Variants in PHACTR4 observed in about 807,000 individuals in gnomAD.
PHACTR4 encodes the protein phosphatase and actin regulator 4, also known as protein phosphatase 1, regulatory subunit 124.
In PHACTR4, 51 loss-of-function variants were observed where a neutral mutation model predicts 72.7. The observed-to-expected ratio is 0.70, with a 90% CI of 0.56 to 0.89. The LOEUF (loss-of-function observed/expected upper bound fraction) is 0.89. PHACTR4 is among the 40% of genes least tolerant of loss of function. The probability of loss-of-function intolerance (pLI) is 0.00; values close to 1 mark genes in which losing one functional copy is unlikely to be tolerated. For missense variants in PHACTR4, 731 were observed against 861.8 expected (o/e 0.85, Z 1.90); for synonymous variants, 255 against 302.5 (o/e 0.84, Z 1.63).
chr1:28,458,509 A>G (rs1658570533), intron 2 of PHACTR4, among the ~76,000 whole-genome samples: 1 of 152,050 alleles, frequency 6.6e-6, no homozygotes, highest in Admixed American at 6.6e-5. Flanking sequence ...TACTTTCTGA[A>G]AACATTTCCC....
chr1:28,433,923 G>A (rs1297401990), intron 2 of PHACTR4, among the ~76,000 whole-genome samples: 9 of 152,100 alleles, frequency 5.9e-5, no homozygotes, highest in Non-Finnish European at 1.5e-5. Flanking sequence ...TGGGATTACA[G>A]GCTCCCGCCA....
At chr1:28,398,874 T>C (rs902717674) in intron 1 of PHACTR4, among the ~76,000 whole-genome samples, 3 of 151,990 alleles carry the variant, frequency 2.0e-5, no homozygotes, top group African/African-American at 7.2e-5. Flanking sequence ...AGAAGCACTT[T>C]TGAGGCAATA....
At chr1:28,387,926 C>T (rs1440799776) in intron 1 of PHACTR4, among the ~76,000 whole-genome samples, 1 of 151,960 alleles carries the variant, frequency 6.6e-6, no homozygotes, top group Non-Finnish European at 1.5e-5. Flanking sequence ...CAGGGTTTCT[C>T]CATGTTGGCC....
chr1:28,417,734 G>C (rs1414366019), intron 2 of PHACTR4, among the ~76,000 whole-genome samples: 1 of 152,054 alleles, frequency 6.6e-6, no homozygotes, highest in Non-Finnish European at 1.5e-5. Context: ...AGATAAGAGG[G>C]GACAGCTCTA....
intron 2 of PHACTR4, among the ~76,000 whole-genome samples, chr1:28,418,478 C>A (rs1301031309): frequency 6.6e-6 from 1 of 151,836 alleles, no homozygotes; most frequent in African/African-American, 2.4e-5. Flanking sequence ...AAGACTCCAT[C>A]TCAAAAACAA....
intron 2 of PHACTR4, among the ~76,000 whole-genome samples, chr1:28,408,070 A>G (rs775611755): frequency 3.3e-5 from 5 of 152,264 alleles, no homozygotes; most frequent in Non-Finnish European, 2.9e-5. Flanking sequence ...CAGTGAGCTG[A>G]GATCGCGCCA....
chr1:28,389,612 GGAC>G (rs1285066620), intron 1 of PHACTR4, among the ~76,000 whole-genome samples: 5 of 151,956 alleles, frequency 3.3e-5, no homozygotes, highest in Non-Finnish European at 4.4e-5. Flanking sequence ...CGAGTAGCTG[GGAC>G]GACGGGCGCG....
In PHACTR4 at chr1:28,498,151, C is replaced by T. The variant is rs1350085275; in HGVS notation, c.*1602C>T. 6.6e-6 allele frequency: 1 copy of T among 152,170 alleles called. No individual in the cohort carries two copies. Among genetic ancestry groups the T allele is most frequent in the Non-Finnish European group, 1.5e-5 (1 of 68,042 alleles). 9.4% of individuals were successfully genotyped at this position (152,170 alleles called of 1,614,324 possible). A position where few individuals can be genotyped will look rare whatever the true frequency, so the allele number is the denominator to read the frequency against. ...CCTCCTTAAAGCAGAGTTGTATCAA[C>T]TCTGTGGGAGCATTTATGAGCTGTC... On this transcript the variant is annotated 3_prime_UTR_variant, in exon 14 of 14. Transcript: ENST00000373839.
rs549206356 is a variant in PHACTR4 at position 28,459,265 on chromosome 1, T to C, written c.190+7T>C. 6 of 1,606,466 alleles carry C rather than the reference T, an allele frequency of 3.7e-6. No individual in the cohort carries two copies. In the African/African-American group the frequency reaches 6.7e-5, roughly 18 times the overall value. On this transcript the variant is annotated splice_region_variant and intron_variant, in intron 3 of 13. Coordinates refer to ENST00000373839, the MANE Select transcript of PHACTR4 (RefSeq NM_001048183.3). ...TTTAAAGAGACTTCAGAAGGTGAGA[T>C]ATTAAGGGTTAAATGTGTGTTCTGA... is the stretch of plus-strand genomic sequence containing the variant.
In PHACTR4 at chr1:28,465,725, G is replaced by A. The variant is rs756464838; in HGVS notation, c.312G>A (p.Lys104=). The A allele has an allele frequency of 3.1e-6, 5 of 1,613,764 alleles. No homozygotes were observed. The African/African-American group carries it at 5.3e-5, about 17-fold the overall frequency. The change falls in exon 5 of 14, where the codon AAG becomes AAA. Residue 104 remains lysine, a synonymous_variant. Transcript: ENST00000373839. ...DPGKPSDAML[K]NGHTTPIGNA... is the part of the protein sequence containing the mutation. ...GAAAGCCAAGCGATGCCATGTTAAAGAATGGCCATACCACCCCCATAGGGA... is the reference window on the plus strand; with the variant it reads ...GAAAGCCAAGCGATGCCATGTTAAAAAATGGCCATACCACCCCCATAGGGA...
intron 2 of PHACTR4, among the ~76,000 whole-genome samples, chr1:28,437,479 C>T (rs1341243500): frequency 2.6e-5 from 4 of 152,164 alleles, no homozygotes; most frequent in African/African-American, 4.8e-5. Context: ...ATCCTTCAGC[C>T]TTGGCCTCCC....
chr1:28,439,984 C>T (rs1439212894), intron 2 of PHACTR4, among the ~76,000 whole-genome samples: 1 of 152,104 alleles, frequency 6.6e-6, no homozygotes, highest in Non-Finnish European at 1.5e-5. Flanking sequence ...GAATGCCCAT[C>T]TAAGATCTAT....
At chr1:28,481,865 AAT>A (rs1212631746) in intron 9 of PHACTR4, among the ~76,000 whole-genome samples, 1 of 151,970 alleles carries the variant, frequency 6.6e-6, no homozygotes, top group African/African-American at 2.4e-5. Context: ...AGAATTTGGA[AAT>A]TGAAGATGTA....
chr1:28,464,680 A>G (rs1196617362), intron 4 of PHACTR4, among the ~76,000 whole-genome samples: 2 of 152,066 alleles, frequency 1.3e-5, no homozygotes, highest in African/African-American at 4.8e-5. Context: ...TTACTTATAT[A>G]TAAGTTTGCC....
At chr1:28,425,966 A>G (rs1022745613) in intron 2 of PHACTR4, among the ~76,000 whole-genome samples, 1 of 152,180 alleles carries the variant, frequency 6.6e-6, no homozygotes, top group Admixed American at 6.5e-5. Flanking sequence ...CACGCCTGTA[A>G]TCCCAGCACT....
At chr1:28,477,552 A>G (rs1489164818) in intron 8 of PHACTR4, among the ~76,000 whole-genome samples, 3 of 152,106 alleles carry the variant, frequency 2.0e-5, no homozygotes, top group Admixed American at 2.0e-4. Flanking sequence ...GCATGTGTGT[A>G]TGGGTAATTA....
intron 6 of PHACTR4, 70 bp from the exon 7 acceptor site, chr1:28,473,484 C>A: frequency 8.6e-7 from 1 of 1,169,466 alleles, no homozygotes; most frequent in Non-Finnish European, 1.2e-6. Context: ...AACTTTAATT[C>A]TAGGCCCTGG....
intron 1 of PHACTR4, among the ~76,000 whole-genome samples, chr1:28,372,440 G>C (rs1204953878): frequency 6.6e-6 from 1 of 152,146 alleles, no homozygotes. Flanking sequence ...TAGTAATACT[G>C]TATAGGGATG....
chr1:28,476,302 G>A lies in PHACTR4; in HGVS notation c.1606+11G>A, dbSNP rs755950160. On this transcript the variant is annotated intron_variant, in intron 8 of 13. Coordinates refer to ENST00000373839, the MANE Select transcript of PHACTR4 (RefSeq NM_001048183.3). ...ATGAAAGCTATCAGAGTAAGAAAGG[G>A]AGGGAAAAGCAAAACAGAGAATTCT... is the stretch of plus-strand genomic sequence containing the variant. 6.3e-7 allele frequency: 1 copy of A among 1,578,596 alleles called. No homozygotes were observed. Among genetic ancestry groups the A allele is most frequent in the Non-Finnish European group, 8.6e-7 (1 of 1,167,536 alleles).
Sources: gnomAD v4.1 joint callset for allele counts (sites outside exome capture counted in the v4.1 genomes callset) on GRCh38, gnomAD v4.1.1 for gene constraint, MANE v1.5 for transcripts, NCBI Gene and HGNC (gene_info 2026-07-23, HGNC 2026-07-21) for gene names.